The following FYB1 variants were observed in gnomAD, a reference collection of about 807,000 sequenced individuals.
FYB1 encodes the protein FYN-binding protein 1.
In FYB1, 41 loss-of-function variants were observed where a neutral mutation model predicts 94.1. The observed-to-expected ratio is 0.44, with a 90% confidence interval of 0.34 to 0.57. The LOEUF (loss-of-function observed/expected upper bound fraction) is 0.57, where lower values mean the gene tolerates loss of function less well. FYB1 is among the 20% of genes least tolerant of loss of function. The pLI is 0.02. For synonymous variants in FYB1, 367 were observed against 353.2 expected (o/e 1.04, Z -0.44); for missense variants, 1,050 against 976.8 (o/e 1.07, Z -1.00).
At chr5:39,184,385 T>A (rs77429406) in intron 2 of FYB1, among the ~76,000 whole-genome samples, 3,348 of 152,276 alleles carry the variant, frequency 0.022, 132 homozygotes, top group African/African-American at 0.075. Flanking sequence ...AAATCAATAA[T>A]GTTGTTTGAC....
At chr5:39,126,837 T>A (rs866973224) in intron 11 of FYB1, among the ~76,000 whole-genome samples, 1 of 151,174 alleles carries the variant, frequency 6.6e-6, no homozygotes. Context: ...GGCAGGCAGA[T>A]CACCCGAGAT....
intron 2 of FYB1, among the ~76,000 whole-genome samples, chr5:39,192,056 T>C (rs1747412087): frequency 6.6e-6 from 1 of 152,198 alleles, no homozygotes; most frequent in African/African-American, 2.4e-5. Flanking sequence ...CATCTAATCA[T>C]TTATAAAAGG....
intron 16 of FYB1, among the ~76,000 whole-genome samples, chr5:39,115,002 G>C (rs1580298122): frequency 6.6e-6 from 1 of 152,164 alleles, no homozygotes; most frequent in East Asian, 1.9e-4. Flanking sequence ...AGGTACTGGG[G>C]GTGCTTCTAA....
intron 2 of FYB1, chr5:39,169,843 A>T: frequency 1.9e-6 from 1 of 532,258 alleles, no homozygotes; most frequent in Non-Finnish European, 3.6e-6. Context: ...ACTGGGGTTC[A>T]CAGAACTAAC....
At chr5:39,269,692 C>T (rs1045011499) in intron 1 of FYB1, 1 of 152,248 alleles carries the variant, frequency 6.6e-6, no homozygotes, top group African/African-American at 2.4e-5. Flanking sequence ...GTCTGCAATG[C>T]ACAATCTCCA....
intron 2 of FYB1, among the ~76,000 whole-genome samples, chr5:39,171,669 T>G: frequency 6.6e-6 from 1 of 152,238 alleles, no homozygotes; most frequent in East Asian, 1.9e-4. Flanking sequence ...TGGTATATAC[T>G]ATCGTCACCT....
At chr5:39,181,978 A>G (rs1413725639) in intron 2 of FYB1, among the ~76,000 whole-genome samples, 2 of 152,146 alleles carry the variant, frequency 1.3e-5, no homozygotes, top group African/African-American at 2.4e-5. Context: ...TGTACAGCAC[A>G]TCTCTAGAAC....
upstream of FYB1, among the ~76,000 whole-genome samples, chr5:39,223,183 C>T (rs987920250): frequency 6.6e-6 from 1 of 151,494 alleles, no homozygotes. Context: ...TTCATGCAAA[C>T]CTATTTTACT....
At chr5:39,213,801 A>T (rs1749627963) in intron 1 of FYB1, among the ~76,000 whole-genome samples, 2 of 152,058 alleles carry the variant, frequency 1.3e-5, no homozygotes, top group East Asian at 3.8e-4. Flanking sequence ...GGCCCAGGAC[A>T]CCATTCTGGT....
At chr5:39,265,457 C>T (rs1395746105) in intron 1 of FYB1, among the ~76,000 whole-genome samples, 4 of 150,318 alleles carry the variant, frequency 2.7e-5, no homozygotes, top group South Asian at 4.2e-4. Flanking sequence ...GCACTCCAGC[C>T]TGGGCGACAG....
In FYB1 at chr5:39,237,933, G is replaced by C. The variant is rs185223378; in HGVS notation, c.-27-34946C>G. ...TTCAATCTCCTTTCTCTTTAGGTCT[G>C]TTCTATTATTTTCACCCTTGCTTTA... On this transcript the variant is annotated intron_variant, in intron 1 of 1. Coordinates refer to the FYB1 transcript ENST00000510188. Among the ~76,000 whole-genome samples the C allele has an allele frequency of 1.6e-3, 244 of 152,180 alleles. 1 individual carries two copies. The highest frequency in any genetic ancestry group is 5.6e-3 in the South Asian group (27 of 4,828).
At chr5:39,165,623 CAAA>C (rs1744659454) in intron 2 of FYB1, among the ~76,000 whole-genome samples, 1 of 152,004 alleles carries the variant, frequency 6.6e-6, no homozygotes, top group African/African-American at 2.4e-5. Flanking sequence ...ACAACAAAAC[CAAA>C]AATAGACAAA....
intron 3 of FYB1, among the ~76,000 whole-genome samples, chr5:39,142,774 C>G (rs993141057): frequency 5.3e-5 from 8 of 152,158 alleles, no homozygotes; most frequent in African/African-American, 1.9e-4. Flanking sequence ...CCACTTCTTC[C>G]CTGAGAGTAT....
chr5:39,271,755 A>C (rs1193297700), intron 1 of FYB1, among the ~76,000 whole-genome samples: 1 of 152,250 alleles, frequency 6.6e-6, no homozygotes, highest in Non-Finnish European at 1.5e-5. Flanking sequence ...GATTGTCCTG[A>C]AAACTTTACA....
chr5:39,168,493 A>G (rs1195525014), intron 2 of FYB1, among the ~76,000 whole-genome samples: 1 of 152,230 alleles, frequency 6.6e-6, no homozygotes, highest in East Asian at 1.9e-4. Flanking sequence ...GAGAATGTCC[A>G]AAGACCTTGG....
chr5:39,193,113 C>A (rs1747515011), intron 2 of FYB1, among the ~76,000 whole-genome samples: 2 of 152,298 alleles, frequency 1.3e-5, no homozygotes, highest in South Asian at 4.1e-4. Context: ...CCACAAGACT[C>A]CTCAGAGTAG....
In FYB1 at chr5:39,202,273, C is replaced by G. The variant is rs1328454693; in HGVS notation, c.688G>C (p.Gly230Arg). 1 of 1,613,814 alleles carries G rather than the reference C, an allele frequency of 6.2e-7. No individual in the cohort carries two copies. The highest frequency in any genetic ancestry group is 8.5e-7 in the Non-Finnish European group (1 of 1,179,894). Residue 230 changes from glycine (G) to arginine (R), a missense_variant, in exon 2 of 19, where the codon GGA (glycine) becomes CGA (arginine). Gly to Arg is a moderately radical substitution (Grantham distance 125). Transcript: ENST00000512982. ...AAAGGGCCGCTTTTGGACCTGACTC[C>G]CAGGGGAGCTGGGGACCCTTTTGAT... ...SSSKGSPAPLGVRSKSGPLKP... is the reference protein window; with the variant it reads ...SSSKGSPAPLRVRSKSGPLKP...
chr5:39,122,516 C>T (rs1382082267), intron 13 of FYB1, 114 bp from the exon 14 acceptor site: 1 of 617,552 alleles, frequency 1.6e-6, no homozygotes, highest in Non-Finnish European at 2.8e-6. Flanking sequence ...AATAAGTTGT[C>T]CTAGTGTCTC....
chr5:39,169,068 T>A, intron 2 of FYB1: 1 of 557,844 alleles, frequency 1.8e-6, no homozygotes, highest in East Asian at 3.0e-5. Flanking sequence ...GCAGAATACT[T>A]GCATAATAAC....
Sources: gnomAD v4.1 joint callset for allele counts (sites outside exome capture counted in the v4.1 genomes callset) on GRCh38, gnomAD v4.1.1 for gene constraint, MANE v1.5 for transcripts, NCBI Gene and HGNC (gene_info 2026-07-23, HGNC 2026-07-21) for gene names.